Variants in NCKAP5 observed in about 807,000 individuals in gnomAD.
The protein encoded by NCKAP5 is nck-associated protein 5.
In NCKAP5, 92 loss-of-function variants were observed where a neutral mutation model predicts 167.0. The observed-to-expected ratio is 0.55, with a 90% CI of 0.47 to 0.66. The LOEUF (loss-of-function observed/expected upper bound fraction) is 0.66, where lower values mean the gene tolerates loss of function less well. NCKAP5 is among the 30% of genes least tolerant of loss of function. The probability of loss-of-function intolerance (pLI) is 0.00; values close to 1 mark genes in which losing one functional copy is unlikely to be tolerated. For synonymous variants in NCKAP5, 891 were observed against 877.4 expected, an observed-to-expected ratio of 1.02 and a Z score of -0.27; for missense variants, 2,378 against 2,315.0, an observed-to-expected ratio of 1.03 and a Z score of -0.56.
rs183233980 is a variant in NCKAP5 at position 132,846,810 on chromosome 2, T to G, written c.807+13682A>C. 2.0e-5 allele frequency among the ~76,000 whole-genome samples: 3 copies of G among 152,330 alleles called. No homozygotes were observed. The East Asian group carries it at 5.8e-4, about 29-fold the overall frequency. ...CACTCAGAAAGTGGCAGAATTGGAT[T>G]AGCTTCAGGAATGGCTTTAGAGTCT... On this transcript the variant is annotated intron_variant, in intron 11 of 19. Coordinates refer to ENST00000409261, the MANE Select transcript of NCKAP5 (RefSeq NM_207363.3).
At chr2:132,751,975 T>C (rs1680153153) in intron 16 of NCKAP5, among the ~76,000 whole-genome samples, 1 of 152,228 alleles carries the variant, frequency 6.6e-6, no homozygotes, top group Non-Finnish European at 1.5e-5. Context: ...ACCAGTCTTC[T>C]TGTAGAACAG....
chr2:132,781,269 TC>T, intron 14 of NCKAP5, 40 bp from the exon 15 acceptor site: 1 of 1,576,726 alleles, frequency 6.3e-7, no homozygotes, highest in Non-Finnish European at 8.6e-7. Flanking sequence ...GTTACCTTGC[TC>T]CTTCTTCAAT....
intron 2 of NCKAP5, among the ~76,000 whole-genome samples, chr2:133,547,353 G>C (rs957641842): frequency 2.0e-5 from 3 of 152,182 alleles, no homozygotes; most frequent in Non-Finnish European, 4.4e-5. Flanking sequence ...CAGCCAGGAA[G>C]CTCGAACTGG....
the NCKAP5 span, among the ~76,000 whole-genome samples, chr2:133,639,947 G>T: frequency 6.6e-6 from 1 of 152,096 alleles, no homozygotes; most frequent in African/African-American, 2.4e-5. Flanking sequence ...AATTAGGAAT[G>T]AAAATACTGA....
At chr2:133,621,792 G>A in the NCKAP5 span, among the ~76,000 whole-genome samples, 1 of 152,036 alleles carries the variant, frequency 6.6e-6, no homozygotes, top group African/African-American at 2.4e-5. Flanking sequence ...TATGAAGCCA[G>A]TATCACCCTA....
At chr2:133,218,000 G>C (rs2086503947) in intron 4 of NCKAP5, among the ~76,000 whole-genome samples, 1 of 151,996 alleles carries the variant, frequency 6.6e-6, no homozygotes, top group African/African-American at 2.4e-5. Flanking sequence ...CTGAATGAGG[G>C]GACTGTAGAA....
chr2:133,502,764 T>C (rs1682639887), intron 3 of NCKAP5, among the ~76,000 whole-genome samples: 1 of 152,160 alleles, frequency 6.6e-6, no homozygotes. Context: ...AGAATAGTAA[T>C]AGTTTCAAGA....
At chr2:133,170,544 T>C (rs746628291) in intron 5 of NCKAP5, among the ~76,000 whole-genome samples, 10 of 152,238 alleles carry the variant, frequency 6.6e-5, no homozygotes, top group Admixed American at 3.3e-4. Flanking sequence ...GAATCATCTC[T>C]ACCTCTGTGC....
intron 19 of NCKAP5, among the ~76,000 whole-genome samples, chr2:132,722,774 C>T (rs778843080): frequency 2.6e-5 from 4 of 152,068 alleles, no homozygotes; most frequent in East Asian, 1.9e-4. Flanking sequence ...CTTGACCCTA[C>T]GTTTTTTCCA....
chr2:133,397,351 T>C (rs16824299), intron 3 of NCKAP5, among the ~76,000 whole-genome samples: 13,688 of 152,274 alleles, frequency 0.09, 748 homozygotes, highest in South Asian at 0.16. Context: ...GGAAGAACAA[T>C]GTATTCAATG....
chr2:132,937,069 C>T (rs1011752620), intron 8 of NCKAP5, among the ~76,000 whole-genome samples: 3 of 152,188 alleles, frequency 2.0e-5, no homozygotes, highest in African/African-American at 7.2e-5. Context: ...TCAACTTCTG[C>T]TGACCTATAG....
At chr2:133,578,412 G>C in the NCKAP5 span, among the ~76,000 whole-genome samples, 1 of 152,264 alleles carries the variant, frequency 6.6e-6, no homozygotes, top group Non-Finnish European at 1.5e-5. Context: ...CCCTGGGGAA[G>C]ACGCAGACAT....
chr2:133,517,652 C>T (rs1250555714), intron 2 of NCKAP5, 65 bp from the exon 3 acceptor site: 2 of 489,416 alleles, frequency 4.1e-6, no homozygotes, highest in African/African-American at 2.0e-5. Flanking sequence ...GTTTTTAACT[C>T]TCTAACCAGA....
chr2:133,220,585 C>A (rs759084404), intron 4 of NCKAP5, among the ~76,000 whole-genome samples: 1 of 152,104 alleles, frequency 6.6e-6, no homozygotes, highest in African/African-American at 2.4e-5. Flanking sequence ...ACCACTGACA[C>A]CTCTGCAAGT....
intron 11 of NCKAP5, among the ~76,000 whole-genome samples, chr2:132,811,303 C>T (rs1685847030): frequency 6.6e-6 from 1 of 152,108 alleles, no homozygotes; most frequent in East Asian, 1.9e-4. Context: ...TGGAAAGGGA[C>T]CAGCTGTGGG....
chr2:133,225,360 A>G (rs182985441), intron 4 of NCKAP5, among the ~76,000 whole-genome samples: 1 of 152,308 alleles, frequency 6.6e-6, no homozygotes, highest in East Asian at 1.9e-4. Flanking sequence ...ACTTTCAATT[A>G]TCTATGCCTC....
intron 4 of NCKAP5, among the ~76,000 whole-genome samples, chr2:133,221,352 T>C (rs2086655925): frequency 6.6e-6 from 1 of 152,202 alleles, no homozygotes; most frequent in Admixed American, 6.5e-5. Flanking sequence ...CTATAAAGTA[T>C]TTAAAACTTA....
intron 3 of NCKAP5, among the ~76,000 whole-genome samples, chr2:133,319,220 T>C (rs1251431271): frequency 6.9e-6 from 1 of 145,362 alleles, no homozygotes; most frequent in Non-Finnish European, 1.5e-5. Flanking sequence ...TTTGAATTAC[T>C]ATCAGCATTG....
At chr2:133,385,424 G>T (rs1002691612) in intron 3 of NCKAP5, among the ~76,000 whole-genome samples, 125 of 151,998 alleles carry the variant, frequency 8.2e-4, no homozygotes, top group South Asian at 2.7e-3. Context: ...ATAAGCTGTC[G>T]GATGTGCTGC....
Sources: gnomAD v4.1 joint callset for allele counts (sites outside exome capture counted in the v4.1 genomes callset) on GRCh38, gnomAD v4.1.1 for gene constraint, MANE v1.5 for transcripts, NCBI Gene and HGNC (gene_info 2026-07-23, HGNC 2026-07-21) for gene names.